TMEM132D: variants seen among roughly 807,000 people sequenced by gnomAD.
The protein encoded by TMEM132D is mature OL transmembrane protein.
Under a neutral mutation model 62.3 loss-of-function variants are expected in TMEM132D, and 21 were observed. That is an observed-to-expected ratio of 0.34 (90% CI 0.24 to 0.49). The LOEUF (loss-of-function observed/expected upper bound fraction) is 0.49, where lower values mean the gene tolerates loss of function less well. TMEM132D is among the 20% of genes least tolerant of loss of function. The probability of loss-of-function intolerance (pLI) is 0.99; values close to 1 mark genes in which losing one functional copy is unlikely to be tolerated. For synonymous variants in TMEM132D, 621 were observed against 575.6 expected (o/e 1.08, Z -1.13); for missense variants, 1,346 against 1,402.8 (o/e 0.96, Z 0.65).
intron 3 of TMEM132D, among the ~76,000 whole-genome samples, chr12:129,513,877 G>T (rs953879805): frequency 2.1e-5 from 3 of 144,918 alleles, no homozygotes; most frequent in South Asian, 2.2e-4. Flanking sequence ...TCGCTCTGTC[G>T]CCCAGGCTGG....
At chr12:129,663,300 A>C (rs1260318289) in intron 2 of TMEM132D, among the ~76,000 whole-genome samples, 4 of 152,172 alleles carry the variant, frequency 2.6e-5, no homozygotes, top group Non-Finnish European at 5.9e-5. Flanking sequence ...CACCACGTCC[A>C]GCTAATTTTG....
chr12:129,293,124 C>T (rs1456556876), intron 4 of TMEM132D, among the ~76,000 whole-genome samples: 1 of 152,158 alleles, frequency 6.6e-6, no homozygotes, highest in Non-Finnish European at 1.5e-5. Context: ...GCATATCATC[C>T]TGGAGATTTC....
intron 3 of TMEM132D, among the ~76,000 whole-genome samples, chr12:129,512,968 A>G (rs778242117): frequency 9.2e-5 from 14 of 152,244 alleles, no homozygotes; most frequent in Admixed American, 2.0e-4. Flanking sequence ...TTCTGAAGGC[A>G]GGAGTGTCGA....
Position 129,525,242 on chromosome 12 carries a change from T to G in TMEM132D, c.1115+5817A>C, listed in dbSNP as rs1434788659. On this transcript the variant is annotated intron_variant, in intron 3 of 8. Coordinates refer to ENST00000422113, the MANE Select transcript of TMEM132D (RefSeq NM_133448.3). ...GCCCAGCCGGTTTTTTTTTTTTTTT[T>G]TTTTTTTTTTTTTGCTAATATAATT... Among the ~76,000 whole-genome samples the G allele has an allele frequency of 2.1e-3, 305 of 142,264 alleles. 8 individuals carry two copies. Among genetic ancestry groups the G allele is most frequent in the African/African-American group, 6.9e-3 (266 of 38,564 alleles). The allele number at this position is 142,264 out of a possible 152,430, so 93.3% of individuals were successfully genotyped here. A position where few individuals can be genotyped will look rare whatever the true frequency, so the allele number is the denominator to read the frequency against.
intron 5 of TMEM132D, among the ~76,000 whole-genome samples, chr12:129,105,533 TA>T (rs1020098701): frequency 7.5e-6 from 1 of 134,020 alleles, no homozygotes; most frequent in African/African-American, 2.9e-5. Flanking sequence ...CCCTAATACT[TA>T]AAGTATAATA....
chr12:129,501,679 A>C (rs1875147405), intron 3 of TMEM132D, among the ~76,000 whole-genome samples: 1 of 151,698 alleles, frequency 6.6e-6, no homozygotes, highest in Admixed American at 6.6e-5. Flanking sequence ...CAACTTTTGT[A>C]ATTTTTTGTA....
intron 1 of TMEM132D, among the ~76,000 whole-genome samples, chr12:129,871,941 G>A (rs2137377652): frequency 6.6e-6 from 1 of 152,328 alleles, no homozygotes; most frequent in East Asian, 1.9e-4. Context: ...GAAGAGGAAA[G>A]GGATGGAACA....
chr12:129,693,910 T>C (rs1158854343), intron 2 of TMEM132D, among the ~76,000 whole-genome samples: 1 of 152,142 alleles, frequency 6.6e-6, no homozygotes, highest in Non-Finnish European at 1.5e-5. Context: ...ACATGCTTCC[T>C]AGTAACACCT....
intron 5 of TMEM132D, among the ~76,000 whole-genome samples, chr12:129,104,658 A>C (rs907338942): frequency 6.6e-6 from 1 of 151,790 alleles, no homozygotes; most frequent in Non-Finnish European, 1.5e-5. Flanking sequence ...CAAAGGGCTA[A>C]TATCCAGAAT....
At chr12:129,185,972 T>C (rs745673810) in intron 5 of TMEM132D, among the ~76,000 whole-genome samples, 35 of 152,162 alleles carry the variant, frequency 2.3e-4, no homozygotes, top group Non-Finnish European at 3.5e-4. Context: ...CTAGTTTGAG[T>C]TGCCAAAAAC....
At chr12:129,537,999 C>A (rs1049370098) in intron 2 of TMEM132D, among the ~76,000 whole-genome samples, 1 of 152,180 alleles carries the variant, frequency 6.6e-6, no homozygotes, top group African/African-American at 2.4e-5. Flanking sequence ...CTGCCAAAGA[C>A]AAATCTTGAC....
chr12:129,412,535 C>A (rs1435280887), intron 3 of TMEM132D, among the ~76,000 whole-genome samples: 4 of 152,002 alleles, frequency 2.6e-5, no homozygotes, highest in Non-Finnish European at 4.4e-5. Flanking sequence ...ATTCTTCCTA[C>A]AGAGAAGGAA....
Position 129,088,251 on chromosome 12 carries a change from T to C in TMEM132D, c.1444-3549A>G, listed in dbSNP as rs189489526. ...TGTCCTCCATGACCGGGGTGTCCTC[T>C]ATGACTGGGTGTCCTCCCTGACCGG... On this transcript the variant is annotated intron_variant, in intron 5 of 8. Coordinates refer to ENST00000422113, the MANE Select transcript of TMEM132D (RefSeq NM_133448.3). Among the ~76,000 whole-genome samples the C allele has an allele frequency of 9.2e-4, 9 of 9,792 alleles. 2 individuals are homozygous for C. Among genetic ancestry groups the C allele is most frequent in the African/African-American group, 2.2e-3 (3 of 1,354 alleles). The allele number at this position is 9,792 out of a possible 152,430, so 6.4% of individuals were successfully genotyped here.
intron 2 of TMEM132D, among the ~76,000 whole-genome samples, chr12:129,649,979 A>G (rs1879887317): frequency 6.6e-6 from 1 of 151,962 alleles, no homozygotes. Flanking sequence ...AATCACCCAT[A>G]TACCTAATAC....
chr12:129,720,921 G>GTAT (rs1868800325), intron 1 of TMEM132D, among the ~76,000 whole-genome samples: 1 of 152,206 alleles, frequency 6.6e-6, no homozygotes, highest in Admixed American at 6.5e-5. Flanking sequence ...AGGTAGAAAG[G>GTAT]TATTCTACAC....
intron 2 of TMEM132D, among the ~76,000 whole-genome samples, chr12:129,690,259 A>G (rs1881031955): frequency 1.3e-5 from 2 of 152,202 alleles, no homozygotes; most frequent in Non-Finnish European, 2.9e-5. Context: ...CACATAAGAT[A>G]CTGGAATCAG....
chr12:129,803,003 T>A (rs966014417), intron 1 of TMEM132D, among the ~76,000 whole-genome samples: 2 of 150,656 alleles, frequency 1.3e-5, no homozygotes, highest in Non-Finnish European at 3.0e-5. Flanking sequence ...CCTAAATATA[T>A]ATGCACCCAA....
At chr12:129,101,191 A>G (rs1195787543) in intron 5 of TMEM132D, among the ~76,000 whole-genome samples, 1 of 152,140 alleles carries the variant, frequency 6.6e-6, no homozygotes. Context: ...CGGTGGCAGG[A>G]TCTAAGCTCT....
In TMEM132D at chr12:129,859,441, T is replaced by C. The variant is rs186755205; in HGVS notation, c.79+43820A>G. 3.3e-5 allele frequency among the ~76,000 whole-genome samples: 5 copies of C among 152,356 alleles called. No individual in the cohort carries two copies. The East Asian group carries it at 5.8e-4, about 18-fold the overall frequency. ...GAATTAATTGCCAATATTTTAAAAT[T>C]ACAACATGTGATGGTTAATATTGGA... On this transcript the variant is annotated intron_variant, in intron 1 of 8. Transcript: ENST00000422113.
Sources: allele counts gnomAD v4.1 joint callset (sites outside exome capture counted in the v4.1 genomes callset), GRCh38; gene constraint gnomAD v4.1.1; transcripts MANE v1.5; gene names NCBI Gene and HGNC (gene_info 2026-07-23, HGNC 2026-07-21).